The following C8orf34 variants were observed in gnomAD, a reference collection of about 807,000 sequenced individuals.
C8orf34 encodes uncharacterized protein C8orf34.
A neutral mutation model predicts 68.3 loss-of-function variants in C8orf34; 65 were observed. That is an observed-to-expected ratio of 0.95 (90% confidence interval 0.78 to 1.17). The LOEUF (loss-of-function observed/expected upper bound fraction) is 1.17. C8orf34 is among the 50% of genes most tolerant of loss of function. The pLI, the probability that C8orf34 is intolerant of heterozygous loss-of-function variation, is 0.00. For synonymous variants in C8orf34, 244 were observed against 241.2 expected (o/e 1.01, Z -0.11); for missense variants, 664 against 655.4 (o/e 1.01, Z -0.14).
intron 11 of C8orf34, among the ~76,000 whole-genome samples, chr8:68,785,194 A>G (rs1315364039): frequency 6.6e-6 from 1 of 151,992 alleles, no homozygotes; most frequent in Non-Finnish European, 1.5e-5. Flanking sequence ...ACAAAGTGAG[A>G]GTCTGTCTCA....
At chr8:68,534,401 T>G (rs990481515) in intron 7 of C8orf34, 1 of 887,284 alleles carries the variant, frequency 1.1e-6, no homozygotes, top group African/African-American at 1.8e-5. Flanking sequence ...TTGGCTGGGG[T>G]CTGGGAACAT....
At chr8:68,504,972 C>A (rs749187039) in intron 5 of C8orf34, among the ~76,000 whole-genome samples, 2 of 152,034 alleles carry the variant, frequency 1.3e-5, no homozygotes, top group Non-Finnish European at 2.9e-5. Context: ...AGCCACCATG[C>A]CTGGCCTAAG....
At chr8:68,469,646 T>TA (rs1812295007) in intron 4 of C8orf34, among the ~76,000 whole-genome samples, 1 of 152,016 alleles carries the variant, frequency 6.6e-6, no homozygotes, top group Non-Finnish European at 1.5e-5. Context: ...TTCTCAATTT[T>TA]AAAAATTGGG....
chr8:68,801,629 C>A (rs1824329652), intron 12 of C8orf34, among the ~76,000 whole-genome samples: 1 of 152,160 alleles, frequency 6.6e-6, no homozygotes, highest in Non-Finnish European at 1.5e-5. Context: ...TGCTAACCAG[C>A]AGCTTCTTTC....
At chr8:68,705,478 G>A (rs1821135443) in intron 8 of C8orf34, among the ~76,000 whole-genome samples, 1 of 152,100 alleles carries the variant, frequency 6.6e-6, no homozygotes. Context: ...GTTAACGCAA[G>A]GTCAAATAAA....
rs150591852 is a variant in C8orf34, at chr8:68,783,141, C to T, written c.1456-4302C>T. Among the ~76,000 whole-genome samples, 907 of 151,414 alleles carry T rather than the reference C, an allele frequency of 6.0e-3. 5 individuals are homozygous for T. The highest frequency in any genetic ancestry group is 7.5e-3 in the Non-Finnish European group (506 of 67,848). On this transcript the variant is annotated intron_variant, in intron 11 of 13. Coordinates refer to ENST00000518698, the MANE Select transcript of C8orf34 (RefSeq NM_052958.4). ...TTTGCTTTCTTTTGTAAAAGGAAAACGTGAGGGCCCCAAAATTACTAACCT... is the reference window on the plus strand; with the variant it reads ...TTTGCTTTCTTTTGTAAAAGGAAAATGTGAGGGCCCCAAAATTACTAACCT...
chr8:68,402,385 G>GT (rs1808998888), intron 1 of C8orf34, among the ~76,000 whole-genome samples: 2 of 151,884 alleles, frequency 1.3e-5, no homozygotes, highest in South Asian at 4.1e-4. Flanking sequence ...CCTTTGTATT[G>GT]TTTTTTCATC....
intron 8 of C8orf34, among the ~76,000 whole-genome samples, chr8:68,651,200 A>C (rs1182157567): frequency 6.6e-6 from 1 of 152,102 alleles, no homozygotes; most frequent in African/African-American, 2.4e-5. Context: ...TATTCCATAA[A>C]ACCTTTTCCC....
chr8:68,431,343 C>CT (rs1382135201), intron 1 of C8orf34, among the ~76,000 whole-genome samples: 2 of 152,048 alleles, frequency 1.3e-5, no homozygotes, highest in Non-Finnish European at 2.9e-5. Context: ...AAGACATTTT[C>CT]TTTTTTATGG....
intron 7 of C8orf34, among the ~76,000 whole-genome samples, chr8:68,624,900 T>C (rs1478579930): frequency 7.7e-6 from 1 of 130,224 alleles, no homozygotes; most frequent in East Asian, 2.1e-4. Context: ...CATGCTCAGC[T>C]AATTTCTTGC....
In C8orf34 at chr8:68,386,573, A is replaced by G. The variant is rs1377151577; in HGVS notation, c.328-52926A>G. On this transcript the variant is annotated intron_variant, in intron 1 of 13. Coordinates refer to ENST00000518698, the MANE Select transcript of C8orf34 (RefSeq NM_052958.4). ...CATTGCATGGGTTGTCTTTTCTTCTATAACCTCCTAAGTGTCTATGACATA... is the reference window on the plus strand; with the variant it reads ...CATTGCATGGGTTGTCTTTTCTTCTGTAACCTCCTAAGTGTCTATGACATA... Among the ~76,000 whole-genome samples the G allele has an allele frequency of 1.1e-4, 16 of 152,184 alleles. 1 individual carries two copies.
intron 1 of C8orf34, among the ~76,000 whole-genome samples, chr8:68,358,717 T>A (rs893943899): frequency 4.0e-5 from 6 of 151,858 alleles, no homozygotes; most frequent in Non-Finnish European, 5.9e-5. Context: ...TTATTTATTT[T>A]TTTTTTGAGA....
In C8orf34 at chr8:68,694,596, TA is replaced by T. The variant is rs1217013502; in HGVS notation, c.1242-14395del. Among the ~76,000 whole-genome samples, 10 of 152,270 alleles carry T rather than the reference TA, an allele frequency of 6.6e-5. 1 individual carries two copies. In the East Asian group the frequency reaches 1.9e-3, roughly 29 times the overall value. On this transcript the variant is annotated intron_variant, in intron 8 of 13. Coordinates refer to ENST00000518698, the MANE Select transcript of C8orf34 (RefSeq NM_052958.4). ...TTGTCACAATAAGAAAATGTTGATT[TA>T]AATACTTTTCCTATTTGTTTTCTCA...
rs181109016 is a variant in C8orf34, at chr8:68,459,046, A to G, written c.608-9646A>G. ...TCTTTGTATATTCTTTCCTTTGTAC[A>G]CATTAGCAGATATGATATGGATGGG... On this transcript the variant is annotated intron_variant, in intron 3 of 13. Transcript: ENST00000518698. 5.2e-3 allele frequency among the ~76,000 whole-genome samples: 792 copies of G among 152,304 alleles called. 6 individuals carry two copies. Among genetic ancestry groups the G allele is most frequent in the African/African-American group, 0.018 (750 of 41,562 alleles).
intron 10 of C8orf34, among the ~76,000 whole-genome samples, chr8:68,750,367 C>A (rs1411516855): frequency 1.3e-5 from 2 of 152,056 alleles, no homozygotes; most frequent in African/African-American, 2.4e-5. Context: ...CTTACATATT[C>A]TATGATTTCA....
intron 4 of C8orf34, among the ~76,000 whole-genome samples, chr8:68,469,266 C>T (rs910963294): frequency 6.6e-6 from 1 of 151,870 alleles, no homozygotes; most frequent in East Asian, 1.9e-4. Context: ...AGCACAATGC[C>T]TAGTGATTAT....
At chr8:68,795,334 T>C (rs1824147378) in intron 12 of C8orf34, among the ~76,000 whole-genome samples, 1 of 152,116 alleles carries the variant, frequency 6.6e-6, no homozygotes, top group African/African-American at 2.4e-5. Flanking sequence ...CTTTTTTTTT[T>C]TTTTTTCCTA....
chr8:68,347,796 C>A (rs1806345393), intron 1 of C8orf34, among the ~76,000 whole-genome samples: 1 of 151,866 alleles, frequency 6.6e-6, no homozygotes, highest in South Asian at 2.1e-4. Context: ...CCTTTGCCCA[C>A]TTTTTAATGG....
At chr8:68,415,681 T>C (rs1191734868) in intron 1 of C8orf34, among the ~76,000 whole-genome samples, 2 of 152,204 alleles carry the variant, frequency 1.3e-5, no homozygotes, top group Non-Finnish European at 2.9e-5. Flanking sequence ...TATTAAAATA[T>C]TAGCTACTGA....
Sources: gnomAD v4.1 joint callset for allele counts (sites outside exome capture counted in the v4.1 genomes callset) on GRCh38, gnomAD v4.1.1 for gene constraint, MANE v1.5 for transcripts, NCBI Gene and HGNC (gene_info 2026-07-23, HGNC 2026-07-21) for gene names.